Variants in GNAO1 observed in about 807,000 individuals in gnomAD.
The protein encoded by GNAO1 is G protein subunit alpha o1.
For synonymous variants in GNAO1, 164 were observed against 180.7 expected (o/e 0.91, Z 0.74); for missense variants, 166 against 478.7 (o/e 0.35, Z 6.10).
chr16:56,292,121 G>A (rs2037238652), intron 3 of GNAO1, among the ~76,000 whole-genome samples: 1 of 152,166 alleles, frequency 6.6e-6, no homozygotes, highest in South Asian at 2.1e-4. Flanking sequence ...TCCCCAGCAG[G>A]CTCTTTCCTA....
intron 6 of GNAO1, among the ~76,000 whole-genome samples, chr16:56,338,224 C>T (rs563340284): frequency 6.6e-6 from 1 of 152,286 alleles, no homozygotes; most frequent in East Asian, 1.9e-4. Flanking sequence ...GTTCCGTGTA[C>T]AGGCTTACCC....
intron 2 of GNAO1, among the ~76,000 whole-genome samples, chr16:56,263,409 T>C (rs991411815): frequency 5.3e-5 from 8 of 152,220 alleles, no homozygotes; most frequent in Admixed American, 2.0e-4. Context: ...TCAGTCCTCA[T>C]GGAGCTCACG....
At position 56,355,074 on chromosome 16, in the gene GNAO1, C is replaced by A; in HGVS notation, c.*21C>A. 1 of 1,554,484 alleles carries A rather than the reference C, an allele frequency of 6.4e-7. No individual in the cohort carries two copies. Among genetic ancestry groups the A allele is most frequent in the Non-Finnish European group, 8.8e-7 (1 of 1,131,852 alleles). On this transcript the variant is annotated 3_prime_UTR_variant, in exon 8 of 9. Transcript: ENST00000262493. ...ACTGACCTCTTGTCCTGTATAGCAA[C>A]CTATTTGGTAATGATTCCAGCACCC...
chr16:56,198,591 C>T (rs1243604139), intron 2 of GNAO1, among the ~76,000 whole-genome samples: 1 of 152,194 alleles, frequency 6.6e-6, no homozygotes, highest in African/African-American at 2.4e-5. Context: ...TTTGGTGCCT[C>T]AGTTTCCTTA....
chr16:56,210,958 A>T (rs1446887683), intron 2 of GNAO1, among the ~76,000 whole-genome samples: 2 of 152,196 alleles, frequency 1.3e-5, no homozygotes, highest in East Asian at 3.9e-4. Context: ...TTGTGTATTG[A>T]TTTTTAAATT....
chr16:56,227,837 G>A (rs11644504), intron 2 of GNAO1, among the ~76,000 whole-genome samples: 39 of 152,034 alleles, frequency 2.6e-4, no homozygotes, highest in Non-Finnish European at 5.0e-4. Context: ...TCGGAGGCAT[G>A]GTTTTTCTGC....
chr16:56,324,585 G>A (rs1333917923), intron 3 of GNAO1, among the ~76,000 whole-genome samples: 1 of 152,228 alleles, frequency 6.6e-6, no homozygotes, highest in African/African-American at 2.4e-5. Context: ...GCCCCAGGTG[G>A]AGGCGCCACC....
intron 2 of GNAO1, among the ~76,000 whole-genome samples, chr16:56,219,800 G>C (rs2036467894): frequency 6.6e-6 from 1 of 152,150 alleles, no homozygotes; most frequent in Non-Finnish European, 1.5e-5. Context: ...AATAGCCCTT[G>C]AGAGAGAAGC....
chr16:56,238,550 A>G (rs2036663637), intron 2 of GNAO1, among the ~76,000 whole-genome samples: 1 of 152,212 alleles, frequency 6.6e-6, no homozygotes, highest in Admixed American at 6.5e-5. Context: ...CACTGCTGCA[A>G]GAACATTTGT....
At chr16:56,299,512 G>A (rs571200996) in intron 3 of GNAO1, among the ~76,000 whole-genome samples, 2 of 152,092 alleles carry the variant, frequency 1.3e-5, no homozygotes, top group East Asian at 3.9e-4. Flanking sequence ...CCCAGCCCGA[G>A]GCAGCCCCCA....
chr16:56,273,224 G>T (rs528521309), intron 2 of GNAO1, among the ~76,000 whole-genome samples: 44 of 152,034 alleles, frequency 2.9e-4, no homozygotes, highest in Admixed American at 7.9e-4. Context: ...ACATTTTTCA[G>T]CTTCTTCCCT....
At chr16:56,348,746 G>C (rs1380665211) in intron 6 of GNAO1, among the ~76,000 whole-genome samples, 1 of 152,208 alleles carries the variant, frequency 6.6e-6, no homozygotes, top group Non-Finnish European at 1.5e-5. Context: ...GGGCTGGCAG[G>C]GGTCTCAGTG....
intron 5 of GNAO1, 181 bp from the exon 6 acceptor site, chr16:56,336,550 G>A (rs1042238417): frequency 1.7e-6 from 1 of 575,376 alleles, no homozygotes; most frequent in Non-Finnish European, 3.1e-6. Flanking sequence ...AGTGCCTGGG[G>A]ATGGCAGTGA....
At chr16:56,336,498 T>G in intron 5 of GNAO1, 1 of 476,426 alleles carries the variant, frequency 2.1e-6, no homozygotes, top group Non-Finnish European at 3.8e-6. Flanking sequence ...CTTTGAGTCA[T>G]GATCTGTGAG....
intron 2 of GNAO1, among the ~76,000 whole-genome samples, chr16:56,210,479 G>T (rs1217064317): frequency 6.6e-6 from 1 of 152,186 alleles, no homozygotes; most frequent in African/African-American, 2.4e-5. Context: ...TAGTTTTGTA[G>T]GAAACTGCCA....
chr16:56,208,883 T>C (rs557129409), intron 2 of GNAO1, among the ~76,000 whole-genome samples: 1 of 152,304 alleles, frequency 6.6e-6, no homozygotes, highest in Admixed American at 6.5e-5. Flanking sequence ...TTTTTTGTTT[T>C]TTTGTTTTTT....
intron 2 of GNAO1, among the ~76,000 whole-genome samples, chr16:56,215,334 AAAC>A (rs2036428374): frequency 6.6e-6 from 1 of 152,226 alleles, no homozygotes; most frequent in South Asian, 2.1e-4. Context: ...ACACACGAGC[AAAC>A]ACACACATGC....
intron 4 of GNAO1, among the ~76,000 whole-genome samples, chr16:56,332,927 C>A (rs898635876): frequency 2.0e-4 from 31 of 152,346 alleles, no homozygotes; most frequent in African/African-American, 6.7e-4. Context: ...GGGAGAGGCT[C>A]CTTCTGGCTG....
intron 2 of GNAO1, among the ~76,000 whole-genome samples, chr16:56,262,884 G>A (rs2036916844): frequency 6.6e-6 from 1 of 152,178 alleles, no homozygotes; most frequent in African/African-American, 2.4e-5. Context: ...TTGTGAGGAG[G>A]ACTCAGCAGC....
Sources: allele counts gnomAD v4.1 joint callset (sites outside exome capture counted in the v4.1 genomes callset), GRCh38; gene constraint gnomAD v4.1.1; transcripts MANE v1.5; gene names NCBI Gene and HGNC (gene_info 2026-07-23, HGNC 2026-07-21).